The following MMP16 variants were observed in gnomAD, a reference collection of about 807,000 sequenced individuals.
The protein encoded by MMP16 is matrix metallopeptidase 16.
Under a neutral mutation model 67.8 loss-of-function variants are expected in MMP16, and 12 were observed. The observed-to-expected ratio is 0.18, with a 90% CI of 0.11 to 0.29. MMP16 has a LOEUF of 0.29. MMP16 is among the 10% of genes least tolerant of loss of function. MMP16 has a pLI of 1.00. For synonymous variants in MMP16, 249 were observed against 255.9 expected, an observed-to-expected ratio of 0.97 and a Z score of 0.26; for missense variants, 475 against 765.7, an observed-to-expected ratio of 0.62 and a Z score of 4.48.
At chr8:88,165,044 T>C (rs1008671110) in intron 4 of MMP16, among the ~76,000 whole-genome samples, 1 of 151,692 alleles carries the variant, frequency 6.6e-6, no homozygotes, top group African/African-American at 2.4e-5. Flanking sequence ...ATTTTCTTTA[T>C]TTTCAGAGTG....
chr8:88,200,347 C>A (rs1041532338), intron 1 of MMP16, among the ~76,000 whole-genome samples: 1 of 152,004 alleles, frequency 6.6e-6, no homozygotes, highest in Admixed American at 6.6e-5. Context: ...AAGGGACAAA[C>A]AAGTTCCTTT....
chr8:88,298,499 C>G (rs1811045893), intron 1 of MMP16, among the ~76,000 whole-genome samples: 1 of 152,126 alleles, frequency 6.6e-6, no homozygotes, highest in Non-Finnish European at 1.5e-5. Context: ...AAAGCAAGAC[C>G]AATGGCTCGG....
intron 8 of MMP16, among the ~76,000 whole-genome samples, chr8:88,048,196 G>A (rs1452526762): frequency 6.6e-6 from 1 of 152,136 alleles, no homozygotes; most frequent in Non-Finnish European, 1.5e-5. Flanking sequence ...CTGGGAATGT[G>A]AGTATAGACA....
At chr8:88,193,711 T>C (rs1809206671) in intron 2 of MMP16, among the ~76,000 whole-genome samples, 2 of 151,890 alleles carry the variant, frequency 1.3e-5, no homozygotes, top group African/African-American at 4.8e-5. Context: ...TATAAATATA[T>C]AGGACTATTA....
Position 88,036,643 on chromosome 8 carries a change from T to C in MMP16, c.*4818A>G, listed in dbSNP as rs908779331. 3.3e-5 allele frequency: 5 copies of C among 151,802 alleles called. No homozygotes were observed. Among genetic ancestry groups the C allele is most frequent in the African/African-American group, 1.2e-4 (5 of 41,406 alleles). 9.4% of individuals were successfully genotyped at this position (151,802 alleles called of 1,614,324 possible). ...AATATATCAACAACATGAAGGTACA[T>C]GAAATACAGCCGAATGATTAGATCC... On this transcript the variant is annotated 3_prime_UTR_variant, in exon 10 of 10. Transcript: ENST00000286614.
At chr8:88,071,653 G>T (rs1808557203) in intron 7 of MMP16, among the ~76,000 whole-genome samples, 1 of 152,266 alleles carries the variant, frequency 6.6e-6, no homozygotes, top group East Asian at 1.9e-4. Flanking sequence ...ACACCAACTT[G>T]TACATGGCTA....
At chr8:88,192,169 T>C (rs1201455383) in intron 2 of MMP16, among the ~76,000 whole-genome samples, 2 of 152,210 alleles carry the variant, frequency 1.3e-5, no homozygotes, top group South Asian at 2.1e-4. Flanking sequence ...TTAGGTTTTA[T>C]TTGTATTCAT....
At chr8:88,169,105 A>T (rs2129706200) in intron 3 of MMP16, among the ~76,000 whole-genome samples, 1 of 152,330 alleles carries the variant, frequency 6.6e-6, no homozygotes, top group Non-Finnish European at 1.5e-5. Context: ...GAAACAATTT[A>T]AAATGATGAA....
chr8:88,146,697 G>A (rs1033944279), intron 4 of MMP16, among the ~76,000 whole-genome samples: 6 of 149,744 alleles, frequency 4.0e-5, no homozygotes, highest in African/African-American at 1.5e-4. Flanking sequence ...TCTTTTTTTG[G>A]CTATTAAAAG....
At chr8:88,088,892 C>T (rs1242166043) in intron 6 of MMP16, among the ~76,000 whole-genome samples, 1 of 151,990 alleles carries the variant, frequency 6.6e-6, no homozygotes. Flanking sequence ...CCATGAATTA[C>T]TGTTGAATAC....
intron 6 of MMP16, among the ~76,000 whole-genome samples, chr8:88,080,170 A>G (rs1389796258): frequency 6.6e-6 from 1 of 152,198 alleles, no homozygotes; most frequent in Non-Finnish European, 1.5e-5. Context: ...AGCATGGTGA[A>G]CTGTGTCTGG....
intron 4 of MMP16, among the ~76,000 whole-genome samples, chr8:88,155,518 G>T (rs1289597767): frequency 6.6e-6 from 1 of 151,868 alleles, no homozygotes; most frequent in Non-Finnish European, 1.5e-5. Context: ...TTTTAGAATT[G>T]GATATTTTTG....
intron 1 of MMP16, among the ~76,000 whole-genome samples, chr8:88,273,834 G>A (rs970558631): frequency 2.6e-5 from 4 of 152,032 alleles, no homozygotes; most frequent in African/African-American, 9.7e-5. Context: ...GTATAGACAA[G>A]AAAAACTGAT....
intron 1 of MMP16, among the ~76,000 whole-genome samples, chr8:88,294,060 G>A (rs1810965925): frequency 6.6e-6 from 1 of 151,960 alleles, no homozygotes; most frequent in African/African-American, 2.4e-5. Context: ...CTTGATATGT[G>A]GAGACATTTG....
intron 4 of MMP16, among the ~76,000 whole-genome samples, chr8:88,121,405 C>T (rs907009636): frequency 6.6e-6 from 1 of 151,918 alleles, no homozygotes; most frequent in Non-Finnish European, 1.5e-5. Context: ...GTAATTAAAC[C>T]TTACTTGCAG....
At chr8:88,226,959 T>C (rs1036741742) in intron 1 of MMP16, among the ~76,000 whole-genome samples, 1 of 152,008 alleles carries the variant, frequency 6.6e-6, no homozygotes, top group Non-Finnish European at 1.5e-5. Flanking sequence ...ACGAAAACAA[T>C]AACTAGGGAT....
At chr8:88,097,601 G>C (rs995180128) in intron 6 of MMP16, among the ~76,000 whole-genome samples, 6 of 127,238 alleles carry the variant, frequency 4.7e-5, no homozygotes, top group African/African-American at 9.0e-5. Context: ...ACTCCAACCT[G>C]AGAGCCAGAG....
chr8:88,225,518 G>T (rs1200279060), intron 1 of MMP16, among the ~76,000 whole-genome samples: 5 of 151,802 alleles, frequency 3.3e-5, no homozygotes, highest in Admixed American at 3.3e-4. Context: ...AGAGTATACA[G>T]AAATACATAT....
At chr8:88,099,355 C>A (rs1417845232) in intron 6 of MMP16, among the ~76,000 whole-genome samples, 2 of 151,708 alleles carry the variant, frequency 1.3e-5, no homozygotes, top group African/African-American at 4.8e-5. Context: ...GTTTTTAAGA[C>A]AGCTGAAGTC....
Sources: allele counts gnomAD v4.1 joint callset (sites outside exome capture counted in the v4.1 genomes callset), GRCh38; gene constraint gnomAD v4.1.1; transcripts MANE v1.5; gene names NCBI Gene and HGNC (gene_info 2026-07-23, HGNC 2026-07-21).